CACNA2D2: variants seen among roughly 807,000 people sequenced by gnomAD.
CACNA2D2 encodes the protein calcium voltage-gated channel auxiliary subunit alpha2delta 2, also known as voltage-dependent calcium channel subunit alpha-2/delta-2.
A neutral mutation model predicts 166.4 loss-of-function variants in CACNA2D2; 48 were observed. The observed-to-expected ratio is 0.29, with a 90% CI of 0.23 to 0.37. The LOEUF (loss-of-function observed/expected upper bound fraction) is 0.37. CACNA2D2 is among the 10% of genes least tolerant of loss of function. CACNA2D2 has a pLI of 1.00. For synonymous variants in CACNA2D2, 561 were observed against 573.7 expected, an observed-to-expected ratio of 0.98 and a Z score of 0.32; for missense variants, 1,122 against 1,433.0, an observed-to-expected ratio of 0.78 and a Z score of 3.50.
At chr3:50,488,271 G>A (rs917789592) in intron 1 of CACNA2D2, among the ~76,000 whole-genome samples, 1 of 152,176 alleles carries the variant, frequency 6.6e-6, no homozygotes, top group Admixed American at 6.5e-5. Context: ...TCAAGTACAT[G>A]GGAGCACCTC....
At chr3:50,458,182 G>A (rs946976130) in intron 2 of CACNA2D2, among the ~76,000 whole-genome samples, 3 of 152,246 alleles carry the variant, frequency 2.0e-5, no homozygotes, top group African/African-American at 4.8e-5. Context: ...TGCTGGCTGC[G>A]TAAGCCAGGC....
intron 1 of CACNA2D2, among the ~76,000 whole-genome samples, chr3:50,487,716 G>A (rs555069279): frequency 6.6e-6 from 1 of 152,240 alleles, no homozygotes; most frequent in East Asian, 1.9e-4. Context: ...CACCTTGCCT[G>A]GTGAGCCTCA....
Position 50,365,669 on chromosome 3 carries a change from G to A in CACNA2D2, c.2935C>T (p.Leu979Phe), listed in dbSNP as rs587637498. The change falls in exon 34 of 38, where the codon CTC (leucine) becomes TTC (phenylalanine). Residue 979 changes from leucine to phenylalanine, a missense_variant. Leu to Phe is a conservative substitution (Grantham distance 22). Around this residue, in one of 2 missense-constraint regions of CACNA2D2, gnomAD observed 282 missense variants for 266.2 expected, o/e 1.06. Coordinates refer to ENST00000424201, the MANE Select transcript of CACNA2D2 (RefSeq NM_006030.4). This position sits in a 1 kb window ranked among gnomAD's most constrained non-coding sequence, Gnocchi z 4.5. ...AAAWSLFQQL[L>F]YGLIYHSWFQ... ...CAGCTGTGGTAGATGAGGCCGTAGA[G>A]AAGCTGCTGGAACAGGGACCTGCAG... is the stretch of plus-strand genomic sequence containing the variant. The A allele has an allele frequency of 3.2e-6, 5 of 1,584,766 alleles. No homozygotes were observed. The Admixed American group carries it at 7.4e-5, about 23-fold the overall frequency.
At chr3:50,473,644 C>A (rs901129556) in intron 2 of CACNA2D2, among the ~76,000 whole-genome samples, 1 of 152,200 alleles carries the variant, frequency 6.6e-6, no homozygotes, top group African/African-American at 2.4e-5. Flanking sequence ...GTACATGGAC[C>A]GTCTTCGTGT....
rs115669920 is a variant in CACNA2D2 at position 50,391,668 on chromosome 3, C to G, written c.465+2441G>C. Among the ~76,000 whole-genome samples, 698 of 152,346 alleles carry G rather than the reference C, an allele frequency of 4.6e-3. 6 individuals carry two copies. Among genetic ancestry groups the G allele is most frequent in the African/African-American group, 0.016 (658 of 41,570 alleles). On this transcript the variant is annotated intron_variant, in intron 4 of 37. Coordinates refer to ENST00000424201, the MANE Select transcript of CACNA2D2 (RefSeq NM_006030.4). ...ACTCCAGGATCCCCAACCCCCCAGGCTGAGGTCAGTGGAGTTGTGGGCATG... is the reference window on the plus strand; with the variant it reads ...ACTCCAGGATCCCCAACCCCCCAGGGTGAGGTCAGTGGAGTTGTGGGCATG...
At chr3:50,445,245 G>A (rs1343998540) in intron 2 of CACNA2D2, among the ~76,000 whole-genome samples, 1 of 152,140 alleles carries the variant, frequency 6.6e-6, no homozygotes, top group Non-Finnish European at 1.5e-5. Context: ...CATAGGTGCC[G>A]GACCTGGATG....
At chr3:50,425,578 A>C (rs1207404791) in intron 3 of CACNA2D2, among the ~76,000 whole-genome samples, 1 of 152,126 alleles carries the variant, frequency 6.6e-6, no homozygotes, top group Non-Finnish European at 1.5e-5. Context: ...AGGATTTCAG[A>C]ACGAAGGGCC....
chr3:50,367,337 C>A lies in CACNA2D2; in HGVS notation c.2401+57G>T. 1.3e-6 allele frequency: 2 copies of A among 1,492,630 alleles called. No individual in the cohort carries two copies. The highest frequency in any genetic ancestry group is 1.4e-5 in the African/African-American group (1 of 72,502). The allele number at this position is 1,492,630 out of a possible 1,614,324, so 92.5% of individuals were successfully genotyped here. A position where few individuals can be genotyped will look rare whatever the true frequency, so the allele number is the denominator to read the frequency against. ...ACAGCAGAGCCCAGTTCTGGCTGAG[C>A]AGACAGGGAAGCTGAGGCTCCCTGC... is the stretch of plus-strand genomic sequence containing the variant. On this transcript the variant is annotated intron_variant, in intron 27 of 37. Transcript: ENST00000424201. This position sits in a 1 kb window ranked among gnomAD's most constrained non-coding sequence, Gnocchi z 6.5.
intron 2 of CACNA2D2, among the ~76,000 whole-genome samples, chr3:50,441,106 C>T (rs575464775): frequency 6.6e-6 from 1 of 152,070 alleles, no homozygotes; most frequent in South Asian, 2.1e-4. Context: ...GGAGCAGATA[C>T]CCAGGTGGTG....
Position 50,379,655 on chromosome 3 carries a change from C to T in CACNA2D2, c.994-65G>A. 6.2e-7 allele frequency: 1 copy of T among 1,611,932 alleles called. No individual in the cohort carries two copies. The highest frequency in any genetic ancestry group is 8.5e-7 in the Non-Finnish European group (1 of 1,178,600). On this transcript the variant is annotated intron_variant, in intron 10 of 37. Coordinates refer to ENST00000424201, the MANE Select transcript of CACNA2D2 (RefSeq NM_006030.4). This position sits in a 1 kb window ranked among gnomAD's most constrained non-coding sequence, Gnocchi z 6.5. ...CGGGGTAGGCAGCTATTGCATGGGG[C>T]TGGTGATGGTCACAGGAGCAGGGCA...
intron 1 of CACNA2D2, among the ~76,000 whole-genome samples, chr3:50,491,725 G>T (rs1158123047): frequency 6.6e-6 from 1 of 152,202 alleles, no homozygotes; most frequent in Non-Finnish European, 1.5e-5. Flanking sequence ...TCAGTCGGGG[G>T]ACTCACAGCC....
intron 2 of CACNA2D2, among the ~76,000 whole-genome samples, chr3:50,436,358 G>A (rs1708319553): frequency 6.6e-6 from 1 of 152,216 alleles, no homozygotes; most frequent in South Asian, 2.1e-4. Context: ...CCATGGCTGT[G>A]TACAGCCCCA....
chr3:50,385,016 T>C (rs1705517509), intron 5 of CACNA2D2, among the ~76,000 whole-genome samples: 1 of 152,166 alleles, frequency 6.6e-6, no homozygotes, highest in Admixed American at 6.5e-5. Flanking sequence ...TTTTCTAAAA[T>C]GAGCCACAGC....
chr3:50,497,291 G>C lies in CACNA2D2; in HGVS notation c.206+5927C>G, dbSNP rs186723383. On this transcript the variant is annotated intron_variant, in intron 1 of 37. Coordinates refer to ENST00000424201, the MANE Select transcript of CACNA2D2 (RefSeq NM_006030.4). ...GAAACTGAGGCCCAGGGGGAGGAGG[G>C]GTTTTGTCCAAGGTCACCAAGCAAG... Among the ~76,000 whole-genome samples, 750 of 152,296 alleles carry C rather than the reference G, an allele frequency of 4.9e-3. 6 individuals are homozygous for C. Among genetic ancestry groups the C allele is most frequent in the Middle Eastern group, 0.017 (5 of 294 alleles).
At chr3:50,419,584 G>C (rs1025387552) in intron 3 of CACNA2D2, among the ~76,000 whole-genome samples, 1 of 152,194 alleles carries the variant, frequency 6.6e-6, no homozygotes, top group Non-Finnish European at 1.5e-5. Context: ...AGCTACCAGA[G>C]TTAAAAGCAC....
rs769316124 is a variant in CACNA2D2, at chr3:50,370,394, G to A, written c.1985-14C>T. The A allele has an allele frequency of 3.7e-5, 58 of 1,566,238 alleles. No homozygotes were observed. Among genetic ancestry groups the A allele is most frequent in the Admixed American group, 1.8e-5 (1 of 54,328 alleles). ...GGAACTCAAAATCTGCAACAGAAAC[G>A]GGGGGTTATCCGGCGGGGGCTGGGG... On this transcript the variant is annotated splice_polypyrimidine_tract_variant and intron_variant, in intron 22 of 37. Transcript: ENST00000424201.
rs1706819316 is a variant in CACNA2D2, at chr3:50,408,287, C to CAGGT, written c.406-14123_406-14120dup. Among the ~76,000 whole-genome samples, 5 of 152,366 alleles carry CAGGT rather than the reference C, an allele frequency of 3.3e-5. No homozygotes were observed. In the South Asian group the frequency reaches 1.0e-3, roughly 32 times the overall value. ...CAAGACAAAGCCAGGGCTCCCTGCACAGGTCATCCAGAAGAGTGGGAGCAG... is the reference window on the plus strand; with the variant it reads ...CAAGACAAAGCCAGGGCTCCCTGCACAGGTAGGTCATCCAGAAGAGTGGGAGCAG... On this transcript the variant is annotated intron_variant, in intron 3 of 37. Transcript: ENST00000424201.
At chr3:50,374,624 T>G (rs937466531) in intron 22 of CACNA2D2, 113 bp downstream of exon 22, 1 of 1,191,942 alleles carries the variant, frequency 8.4e-7, no homozygotes, top group African/African-American at 1.5e-5. Flanking sequence ...GTGGGCAGAC[T>G]GGGCAGGAGG....
rs150382377 is a variant in CACNA2D2 at position 50,502,627 on chromosome 3, G to A, written c.206+591C>T. The stretch of plus-strand genomic sequence containing the variant: ...TTCACCTCCCAACTGGGCTCTCCAG[G>A]GTACTCTCTCCTCAGGTGGAGGGGG... On this transcript the variant is annotated intron_variant, in intron 1 of 37. Coordinates refer to ENST00000424201, the MANE Select transcript of CACNA2D2 (RefSeq NM_006030.4). Among the ~76,000 whole-genome samples the A allele has an allele frequency of 7.2e-3, 1,099 of 152,312 alleles. 5 individuals are homozygous for A. Among genetic ancestry groups the A allele is most frequent in the African/African-American group, 0.01 (429 of 41,574 alleles).
Sources: gnomAD v4.1 joint callset for allele counts (sites outside exome capture counted in the v4.1 genomes callset) on GRCh38, gnomAD v4.1.1 for gene constraint, gnomAD v4.1.1 regional missense constraint, Gnocchi (gnomAD v3.1) non-coding constraint, MANE v1.5 for transcripts, NCBI Gene and HGNC (gene_info 2026-07-23, HGNC 2026-07-21) for gene names.